Variants in GNB1 observed in about 807,000 individuals in gnomAD.
GNB1 encodes the protein guanine nucleotide-binding protein G(I)/G(S)/G(T) subunit beta-1.
A neutral mutation model predicts 42.9 loss-of-function variants in GNB1; 2 were observed. The ratio of observed to expected loss-of-function variants is 0.05; its 90% CI spans 0.02 to 0.15. GNB1 has a LOEUF of 0.15. Among genes scored for constraint, GNB1 ranks in the 10% least tolerant of loss-of-function variants. The pLI is 1.00. For synonymous variants in GNB1, 183 were observed against 174.7 expected, an observed-to-expected ratio of 1.05 and a Z score of -0.38; for missense variants, 193 against 462.2, an observed-to-expected ratio of 0.42 and a Z score of 5.34.
chr1:1,851,419 A>G (rs1647976884), intron 1 of GNB1, among the ~76,000 whole-genome samples: 1 of 150,964 alleles, frequency 6.6e-6, no homozygotes, highest in Admixed American at 6.6e-5. Context: ...TCAAAGAAAA[A>G]AAAAAAAAAA....
intron 1 of GNB1, among the ~76,000 whole-genome samples, chr1:1,845,242 G>A (rs148320731): frequency 6.6e-6 from 1 of 152,302 alleles, no homozygotes; most frequent in African/African-American, 2.4e-5. Flanking sequence ...AGGGCAAATA[G>A]AGTTCTGAAA....
At chr1:1,825,639 C>T (rs544780532) in intron 2 of GNB1, 140 bp from the exon 3 acceptor site, 106 of 554,496 alleles carry the variant, frequency 1.9e-4, no homozygotes, top group African/African-American at 1.9e-3. Context: ...CCGAGGCGGG[C>T]AGATCACGAG....
intron 1 of GNB1, among the ~76,000 whole-genome samples, chr1:1,874,254 A>G (rs1649406901): frequency 6.6e-6 from 1 of 152,110 alleles, no homozygotes; most frequent in Non-Finnish European, 1.5e-5. Context: ...GCAGATCACG[A>G]GGCCAGGAAT....
At chr1:1,811,070 C>CAA (rs1646770349) in intron 5 of GNB1, among the ~76,000 whole-genome samples, 1 of 50,406 alleles carries the variant, frequency 2.0e-5, no homozygotes, top group East Asian at 6.7e-4. Context: ...TATATATATA[C>CAA]ATATATATAT....
chr1:1,823,456 T>G (rs974740896), intron 3 of GNB1, among the ~76,000 whole-genome samples: 1 of 152,118 alleles, frequency 6.6e-6, no homozygotes, highest in Admixed American at 6.6e-5. Context: ...CAGGCAAAAT[T>G]TGAATACCTT....
At chr1:1,798,952 C>T (rs1382636827) in intron 7 of GNB1, among the ~76,000 whole-genome samples, 3 of 148,232 alleles carry the variant, frequency 2.0e-5, no homozygotes, top group Non-Finnish European at 3.0e-5. Flanking sequence ...GACGGAGTCT[C>T]GCTGTCGCCC....
At chr1:1,802,041 C>T (rs1179409711) in intron 7 of GNB1, among the ~76,000 whole-genome samples, 3 of 152,132 alleles carry the variant, frequency 2.0e-5, no homozygotes, top group Non-Finnish European at 4.4e-5. Context: ...AATGTAAAGG[C>T]ATCTACTAAA....
intron 1 of GNB1, among the ~76,000 whole-genome samples, chr1:1,877,332 C>T (rs1375495988): frequency 1.4e-4 from 20 of 143,174 alleles, no homozygotes; most frequent in African/African-American, 3.4e-4. Flanking sequence ...TATATATATA[C>T]ACACACACAC....
intron 5 of GNB1, among the ~76,000 whole-genome samples, chr1:1,809,431 G>C (rs142095083): frequency 1.3e-5 from 2 of 152,154 alleles, no homozygotes; most frequent in Non-Finnish European, 2.9e-5. Context: ...GATTACAGGC[G>C]TAAGCCACCG....
chr1:1,825,103 C>CCAGG, intron 3 of GNB1: 3 of 302,236 alleles, frequency 9.9e-6, no homozygotes. Context: ...GATCAGTGGC[C>CCAGG]CAGGGTATCA....
chr1:1,843,636 T>C (rs192133933), intron 1 of GNB1, among the ~76,000 whole-genome samples: 12 of 151,920 alleles, frequency 7.9e-5, no homozygotes, highest in Admixed American at 7.9e-4. Flanking sequence ...ACATGGAGAG[T>C]TGTCTGGACC....
intron 1 of GNB1, among the ~76,000 whole-genome samples, chr1:1,878,274 G>C (rs1649657483): frequency 6.6e-6 from 1 of 152,218 alleles, no homozygotes; most frequent in South Asian, 2.1e-4. Context: ...ACTGCCATGG[G>C]AGTGTCAGGC....
At chr1:1,818,069 G>T (rs752904528) in intron 3 of GNB1, 194 bp from the exon 4 acceptor site, 1 of 502,846 alleles carries the variant, frequency 2.0e-6, no homozygotes, top group Non-Finnish European at 3.7e-6. Flanking sequence ...AGGCCACGCT[G>T]AACAGAGAAC....
intron 1 of GNB1, among the ~76,000 whole-genome samples, chr1:1,876,302 G>A (rs1392351995): frequency 6.6e-6 from 1 of 152,076 alleles, no homozygotes; most frequent in East Asian, 1.9e-4. Context: ...TCAGCTTGGA[G>A]AAGGACTTGT....
At chr1:1,890,631 C>T (rs1169189212) in intron 1 of GNB1, among the ~76,000 whole-genome samples, 189 bp downstream of exon 1, 2 of 148,240 alleles carry the variant, frequency 1.3e-5, no homozygotes, top group Non-Finnish European at 3.0e-5. Flanking sequence ...CGCCCTCGAC[C>T]CCGACCCTGC....
intron 1 of GNB1, among the ~76,000 whole-genome samples, chr1:1,875,253 G>A (rs1232758764): frequency 6.6e-6 from 1 of 151,658 alleles, no homozygotes; most frequent in Non-Finnish European, 1.5e-5. Flanking sequence ...GTGTAGTGGT[G>A]TGATCTCAGC....
intron 2 of GNB1, among the ~76,000 whole-genome samples, chr1:1,828,096 G>A (rs1429269782): frequency 1.3e-5 from 2 of 152,152 alleles, no homozygotes; most frequent in Non-Finnish European, 2.9e-5. Context: ...TGCGGACAAC[G>A]GATCACCTGA....
intron 1 of GNB1, among the ~76,000 whole-genome samples, chr1:1,888,720 C>A (rs947618290): frequency 5.9e-5 from 9 of 152,208 alleles, no homozygotes; most frequent in Non-Finnish European, 1.0e-4. Context: ...TAGCTGTAAT[C>A]CCAGCTACTC....
At chr1:1,852,875 C>T (rs1023601685) in intron 1 of GNB1, among the ~76,000 whole-genome samples, 8 of 152,096 alleles carry the variant, frequency 5.3e-5, no homozygotes. Flanking sequence ...TCAACTGGTT[C>T]TTTTGTGGTT....
Sources: gnomAD v4.1 joint callset for allele counts (sites outside exome capture counted in the v4.1 genomes callset) on GRCh38, gnomAD v4.1.1 for gene constraint, MANE v1.5 for transcripts, NCBI Gene and HGNC (gene_info 2026-07-23, HGNC 2026-07-21) for gene names.